MID2: variants seen among roughly 807,000 people sequenced by gnomAD.
The protein encoded by MID2 is probable E3 ubiquitin-protein ligase MID2.
MID2 carries 13 observed loss-of-function variants against 46.1 expected under a neutral mutation model. The observed-to-expected ratio is 0.28, with a 90% CI of 0.18 to 0.45. The LOEUF (loss-of-function observed/expected upper bound fraction) is 0.45. MID2 is among the 20% of genes least tolerant of loss of function. The pLI is 1.00. For missense variants in MID2, 431 were observed against 575.4 expected (o/e 0.75, Z 2.57); for synonymous variants, 199 against 212.3 (o/e 0.94, Z 0.55).
chrX:107,831,207 G>A (rs758075897), intron 1 of MID2, among the ~76,000 whole-genome samples: 2 of 111,371 alleles, frequency 1.8e-5, no homozygotes, highest in Non-Finnish European at 3.8e-5. Context: ...ATCCTACTTG[G>A]GTTCTGGCCT....
At chrX:107,842,061 A>T (rs1011585580) in intron 2 of MID2, among the ~76,000 whole-genome samples, 3 of 112,866 alleles carry the variant, frequency 2.7e-5, no homozygotes, top group African/African-American at 9.7e-5. Flanking sequence ...ATTGGGAGGG[A>T]TAATTAAATA....
At chrX:107,879,539 T>A (rs768640555) in intron 3 of MID2, among the ~76,000 whole-genome samples, 1 of 111,779 alleles carries the variant, frequency 8.9e-6, no homozygotes, top group South Asian at 3.8e-4. Context: ...GGAGCCTAGG[T>A]TTTTTATGGG....
In MID2 at chrX:107,845,525, ACTCTCT is replaced by A. The variant is rs766707051; in HGVS notation, c.720+4168_720+4173del. 8.4e-4 allele frequency among the ~76,000 whole-genome samples: 61 copies of A among 72,944 alleles called. 1 individual carries two copies. Among genetic ancestry groups the A allele is most frequent in the Middle Eastern group, 6.8e-3 (1 of 146 alleles). 63.3% of individuals were successfully genotyped at this position (72,944 alleles called of 115,157 possible). On this transcript the variant is annotated intron_variant, in intron 2 of 9. Coordinates refer to ENST00000262843, the MANE Select transcript of MID2 (RefSeq NM_012216.4). ...CACACACACACACACACACACACACACTCTCTCTCTCTCTCTCTCTCTCTCTCTCTC... is the reference window on the plus strand; with the variant it reads ...CACACACACACACACACACACACACACTCTCTCTCTCTCTCTCTCTCTCTC...
In MID2 at chrX:107,905,228, G is replaced by A. The variant is rs374050138; in HGVS notation, c.925-250G>A. Among the ~76,000 whole-genome samples, 39 of 110,780 alleles carry A rather than the reference G, an allele frequency of 3.5e-4. 2 individuals are homozygous for A. Among genetic ancestry groups the A allele is most frequent in the Admixed American group, 2.7e-3 (28 of 10,375 alleles). On this transcript the variant is annotated intron_variant, in intron 4 of 9. Coordinates refer to ENST00000262843, the MANE Select transcript of MID2 (RefSeq NM_012216.4). ...TTAGTGTTACTAATACACAGAGGAG[G>A]TAGATAACCGAGAGTATATGACTGT...
At position 107,928,118 on chromosome X, in the gene MID2, G is replaced by A. The variant is rs1240490871; in HGVS notation, c.*1045G>A. The stretch of plus-strand genomic sequence containing the variant: ...TTAGGCTTTTAAAAAGTTGCACAGT[G>A]AAGGCTCTTTAGGAACCTACTTTAC... On this transcript the variant is annotated 3_prime_UTR_variant, in exon 10 of 10. Coordinates refer to ENST00000262843, the MANE Select transcript of MID2 (RefSeq NM_012216.4). Among the ~76,000 whole-genome samples the A allele has an allele frequency of 8.9e-6, 1 of 111,943 alleles. No individual in the cohort carries two copies. The highest frequency in any genetic ancestry group is 3.2e-5 in the African/African-American group (1 of 30,804).
At chrX:107,840,186 T>C (rs1391794354) in intron 1 of MID2, among the ~76,000 whole-genome samples, 1 of 112,423 alleles carries the variant, frequency 8.9e-6, no homozygotes, top group Non-Finnish European at 1.9e-5. Flanking sequence ...TGGAATCATT[T>C]CAGGAAGTAG....
chrX:107,880,267 A>G (rs1384450375), intron 3 of MID2, among the ~76,000 whole-genome samples: 1 of 110,684 alleles, frequency 9.0e-6, no homozygotes, highest in Non-Finnish European at 1.9e-5. Flanking sequence ...GACTACAGAC[A>G]CATGCTGCCA....
Position 107,929,598 on chromosome X carries a change from A to C in MID2, c.*2525A>C, listed in dbSNP as rs1046535984. The stretch of plus-strand genomic sequence containing the variant: ...GTGTGAAAATGCTGTAAGTACAGAA[A>C]ATGCAACCTCCATTCCAGTAGAACA... On this transcript the variant is annotated 3_prime_UTR_variant, in exon 10 of 10. Transcript: ENST00000262843. Among the ~76,000 whole-genome samples, 2 of 112,072 alleles carry C rather than the reference A, an allele frequency of 1.8e-5. No individual in the cohort carries two copies. Among genetic ancestry groups the C allele is most frequent in the African/African-American group, 6.5e-5 (2 of 30,852 alleles).
At chrX:107,913,291 A>G (rs1602504325) in intron 5 of MID2, among the ~76,000 whole-genome samples, 2 of 111,889 alleles carry the variant, frequency 1.8e-5, no homozygotes, top group African/African-American at 6.5e-5. Context: ...ATGTTATTTT[A>G]TCTTTTGATG....
At chrX:107,876,105 T>C (rs781270324) in intron 3 of MID2, among the ~76,000 whole-genome samples, 1 of 111,628 alleles carries the variant, frequency 9.0e-6, no homozygotes, top group Admixed American at 9.5e-5. Context: ...TTCTAAAATG[T>C]CCTGGCATAC....
rs890312191 is a variant in MID2, at chrX:107,838,531, T to C, written c.5-2139T>C. Reference sequence around the variant, plus strand: ...AAACATCTGAATCTACTAAACCAACTGAGTGACTGATTTACAAAAAGATTC... The same window carrying C: ...AAACATCTGAATCTACTAAACCAACCGAGTGACTGATTTACAAAAAGATTC... On this transcript the variant is annotated intron_variant, in intron 1 of 9. Coordinates refer to ENST00000262843, the MANE Select transcript of MID2 (RefSeq NM_012216.4). 2.7e-4 allele frequency among the ~76,000 whole-genome samples: 30 copies of C among 112,368 alleles called. No homozygotes were observed. In the Admixed American group the frequency reaches 2.7e-3, roughly 10 times the overall value.
intron 1 of MID2, 91 bp downstream of exon 1, chrX:107,826,521 G>T: frequency 3.9e-6 from 4 of 1,024,329 alleles, no homozygotes; most frequent in South Asian, 2.4e-5. Context: ...TTCAGGTGCC[G>T]CCGGGGCCCG....
At chrX:107,887,130 A>G (rs1183022006) in intron 3 of MID2, among the ~76,000 whole-genome samples, 33 of 111,231 alleles carry the variant, frequency 3.0e-4, no homozygotes, top group Middle Eastern at 4.6e-3. Context: ...TCTCCTGCCT[A>G]ATTGCCCTGG....
rs1602482384 is a variant in MID2, at chrX:107,881,040, A to G, written c.817-22918A>G. On this transcript the variant is annotated intron_variant, in intron 3 of 9. Transcript: ENST00000262843. ...CAGTTTAAAGTAAAGCCACGTTTCAATGTATTGACACATATTGTCAACAGT... is the reference window on the plus strand; with the variant it reads ...CAGTTTAAAGTAAAGCCACGTTTCAGTGTATTGACACATATTGTCAACAGT... 4.4e-5 allele frequency among the ~76,000 whole-genome samples: 5 copies of G among 113,291 alleles called. No homozygotes were observed. The South Asian group carries it at 1.8e-3, about 41-fold the overall frequency.
At chrX:107,866,422 AAC>A (rs57100746) in intron 3 of MID2, among the ~76,000 whole-genome samples, 2,958 of 81,057 alleles carry the variant, frequency 0.036, 57 homozygotes, top group African/African-American at 0.045. Context: ...AGCCACTGAA[AAC>A]ACACACACAC....
intron 3 of MID2, among the ~76,000 whole-genome samples, chrX:107,874,580 C>A (rs1479785053): frequency 1.8e-5 from 2 of 112,411 alleles, no homozygotes; most frequent in African/African-American, 3.2e-5. Flanking sequence ...AACATCTTCC[C>A]TATGGGGAGA....
chrX:107,915,386 G>A (rs1030145885), intron 5 of MID2, among the ~76,000 whole-genome samples: 5 of 111,129 alleles, frequency 4.5e-5, no homozygotes, highest in African/African-American at 1.3e-4. Flanking sequence ...GCAAAATCCC[G>A]TCTCTACTAA....
At chrX:107,889,542 G>T (rs1932547961) in intron 3 of MID2, among the ~76,000 whole-genome samples, 1 of 111,395 alleles carries the variant, frequency 9.0e-6, no homozygotes, top group Non-Finnish European at 1.9e-5. Flanking sequence ...CTCTCTGGCT[G>T]CCCTTAACAT....
chrX:107,913,749 A>T (rs765234204), intron 5 of MID2, among the ~76,000 whole-genome samples: 1 of 111,779 alleles, frequency 8.9e-6, no homozygotes, highest in Non-Finnish European at 1.9e-5. Context: ...ATTCCAAGAC[A>T]CTTTAAAATC....
Sources: allele counts gnomAD v4.1 joint callset (sites outside exome capture counted in the v4.1 genomes callset), GRCh38; gene constraint gnomAD v4.1.1; transcripts MANE v1.5; gene names NCBI Gene and HGNC (gene_info 2026-07-23, HGNC 2026-07-21).